Variants in MARCO observed in about 807,000 individuals in gnomAD.
MARCO encodes macrophage receptor MARCO.
MARCO carries 72 observed loss-of-function variants against 70.0 expected under a neutral mutation model. The observed-to-expected ratio is 1.03, with a 90% CI of 0.85 to 1.25. The LOEUF (loss-of-function observed/expected upper bound fraction) is 1.25, where lower values mean the gene tolerates loss of function less well. Among genes scored for constraint, MARCO ranks in the 50% most tolerant of loss-of-function variants. The pLI is 0.00. For missense variants in MARCO, 696 were observed against 659.3 expected (o/e 1.06, Z -0.61); for synonymous variants, 273 against 243.1 (o/e 1.12, Z -1.14).
At chr2:118,955,562 TC>T (rs1450163614) in intron 1 of MARCO, among the ~76,000 whole-genome samples, 1 of 152,114 alleles carries the variant, frequency 6.6e-6, no homozygotes, top group East Asian at 1.9e-4. Context: ...TTCCTGGCCT[TC>T]CCAGAGACTT....
rs543084972 is a variant in MARCO, at chr2:118,950,800, CT to C, written c.97+8412del. ...TTTTACATAAATTCTCCCCTCCCCC[CT>C]TTTTTTTTCCTCAAAGATGATAGCC... On this transcript the variant is annotated intron_variant, in intron 1 of 16. Coordinates refer to ENST00000327097, the MANE Select transcript of MARCO (RefSeq NM_006770.4). 8.5e-4 allele frequency among the ~76,000 whole-genome samples: 121 copies of C among 142,318 alleles called. No homozygotes were observed. In the South Asian group the frequency reaches 0.011, roughly 12 times the overall value. The allele number at this position is 142,318 out of a possible 152,430, so 93.4% of individuals were successfully genotyped here. A position where few individuals can be genotyped will look rare whatever the true frequency, so the allele number is the denominator to read the frequency against.
At chr2:118,976,900 C>A (rs1680293717) in intron 6 of MARCO, among the ~76,000 whole-genome samples, 1 of 152,122 alleles carries the variant, frequency 6.6e-6, no homozygotes, top group Admixed American at 6.5e-5. Flanking sequence ...CTACAGAATA[C>A]CTGAGACTGG....
At chr2:118,965,963 C>CTCA (rs1042473662) in intron 1 of MARCO, among the ~76,000 whole-genome samples, 2 of 152,142 alleles carry the variant, frequency 1.3e-5, no homozygotes, top group African/African-American at 4.8e-5. Context: ...CACCAGGCAG[C>CTCA]CCAGTGCTAG....
chr2:118,957,454 C>T (rs1437897692), intron 1 of MARCO, among the ~76,000 whole-genome samples: 2 of 152,108 alleles, frequency 1.3e-5, no homozygotes, highest in East Asian at 3.9e-4. Flanking sequence ...ATTAGATACC[C>T]TGAACAGACC....
intron 12 of MARCO, among the ~76,000 whole-genome samples, chr2:118,982,827 C>T (rs939945940): frequency 2.0e-5 from 3 of 152,204 alleles, no homozygotes; most frequent in African/African-American, 4.8e-5. Flanking sequence ...CCTAGGGGGG[C>T]AGCCTGGGAG....
chr2:118,969,732 C>G (rs539680005), intron 2 of MARCO, among the ~76,000 whole-genome samples: 1 of 152,298 alleles, frequency 6.6e-6, no homozygotes, highest in East Asian at 1.9e-4. Flanking sequence ...GTCATAAACA[C>G]GTCTTGTGTG....
At chr2:118,982,648 C>A (rs1680416584) in intron 12 of MARCO, among the ~76,000 whole-genome samples, 1 of 152,138 alleles carries the variant, frequency 6.6e-6, no homozygotes, top group Non-Finnish European at 1.5e-5. Flanking sequence ...GACCAAACCT[C>A]CAGCATCACG....
intron 12 of MARCO, among the ~76,000 whole-genome samples, chr2:118,984,753 G>A (rs113738712): frequency 2.6e-5 from 4 of 152,304 alleles, no homozygotes; most frequent in Admixed American, 1.3e-4. Flanking sequence ...GGCAGGCAGA[G>A]GGTGGGAGCC....
rs1228289114 is a variant in MARCO, at chr2:118,994,424, G to T, written c.1467G>T (p.Arg489=). The change falls in exon 17 of 17, where the codon CGG becomes CGT. Residue 489 remains arginine (R), a synonymous_variant. Coordinates refer to ENST00000327097, the MANE Select transcript of MARCO (RefSeq NM_006770.4). ...GQIWLDNVQC[R]GTESTLWSCT... ...TCTGGCTGGATAATGTTCAGTGTCGGGGCACGGAGAGTACCCTGTGGAGCT... is the reference window on the plus strand; with the variant it reads ...TCTGGCTGGATAATGTTCAGTGTCGTGGCACGGAGAGTACCCTGTGGAGCT... 1.2e-6 allele frequency: 2 copies of T among 1,614,140 alleles called. No individual in the cohort carries two copies. The highest frequency in any genetic ancestry group is 1.7e-6 in the Non-Finnish European group (2 of 1,180,022).
At chr2:118,974,813 G>T (rs553720307) in intron 6 of MARCO, among the ~76,000 whole-genome samples, 1 of 152,206 alleles carries the variant, frequency 6.6e-6, no homozygotes, top group African/African-American at 2.4e-5. Flanking sequence ...AGATGGGGCT[G>T]GGGGGTGTGA....
chr2:118,991,100 T>C (rs1680613350), intron 13 of MARCO, among the ~76,000 whole-genome samples: 1 of 152,178 alleles, frequency 6.6e-6, no homozygotes, highest in Non-Finnish European at 1.5e-5. Context: ...CCAGAGCCTG[T>C]GCTTCAGTTG....
In MARCO at chr2:118,994,392, G is replaced by C; in HGVS notation, c.1435G>C (p.Gly479Arg). The change falls in exon 17 of 17, where the codon GGG (glycine) becomes CGG (arginine). Residue 479 changes from glycine to arginine, a missense_variant. Around this residue, in one of 3 missense-constraint regions of MARCO, gnomAD observed 58 missense variants for 62.1 expected, o/e 0.93. Coordinates refer to ENST00000327097, the MANE Select transcript of MARCO (RefSeq NM_006770.4). ...CTTGCTTTCTCTCTATCAAGGCACT[G>C]GGCAGATCTGGCTGGATAATGTTCA... is the stretch of plus-strand genomic sequence containing the variant. The part of the protein sequence containing the change: ...RALYKVGAGT[G>R]QIWLDNVQCR... The C allele has an allele frequency of 6.2e-7, 1 of 1,614,102 alleles. No homozygotes were observed. The highest frequency in any genetic ancestry group is 8.5e-7 in the Non-Finnish European group (1 of 1,180,006).
chr2:118,972,723 T>C (rs1465603289), intron 4 of MARCO, among the ~76,000 whole-genome samples: 1 of 152,252 alleles, frequency 6.6e-6, no homozygotes, highest in Non-Finnish European at 1.5e-5. Flanking sequence ...TTGAGAAAAC[T>C]AAATGCTGCT....
intron 1 of MARCO, among the ~76,000 whole-genome samples, chr2:118,955,551 T>A (rs1384613356): frequency 6.6e-6 from 1 of 152,108 alleles, no homozygotes; most frequent in Non-Finnish European, 1.5e-5. Context: ...CAAGGAAAAC[T>A]TTCCTGGCCT....
intron 1 of MARCO, among the ~76,000 whole-genome samples, chr2:118,947,078 T>C (rs1206559387): frequency 1.3e-5 from 2 of 152,212 alleles, no homozygotes; most frequent in Non-Finnish European, 1.5e-5. Flanking sequence ...TTGCTAGATA[T>C]GTGGTTTGCA....
intron 1 of MARCO, among the ~76,000 whole-genome samples, chr2:118,948,303 A>G (rs1468082160): frequency 1.3e-5 from 2 of 152,232 alleles, no homozygotes; most frequent in African/African-American, 2.4e-5. Flanking sequence ...TCCTGCATCT[A>G]TTGGCTGGAG....
chr2:118,981,337 A>G, intron 8 of MARCO, 72 bp from the exon 9 acceptor site: 1 of 933,384 alleles, frequency 1.1e-6, no homozygotes, highest in Non-Finnish European at 1.7e-6. Context: ...TGGAATGGGA[A>G]GTGTCAGAGG....
intron 1 of MARCO, among the ~76,000 whole-genome samples, chr2:118,950,716 C>T (rs2104549680): frequency 6.6e-6 from 1 of 152,290 alleles, no homozygotes; most frequent in South Asian, 2.1e-4. Flanking sequence ...GCTAACATCG[C>T]TTTCTTTAAA....
At chr2:118,956,412 T>C (rs879196027) in intron 1 of MARCO, among the ~76,000 whole-genome samples, 2 of 144,206 alleles carry the variant, frequency 1.4e-5, no homozygotes, top group African/African-American at 2.8e-5. Context: ...CATTATGTAA[T>C]GGTAAAAGTC....
Sources: gnomAD v4.1 joint callset for allele counts (sites outside exome capture counted in the v4.1 genomes callset) on GRCh38, gnomAD v4.1.1 for gene constraint, gnomAD v4.1.1 regional missense constraint, MANE v1.5 for transcripts, NCBI Gene and HGNC (gene_info 2026-07-23, HGNC 2026-07-21) for gene names.